The following BAZ2B variants were observed in gnomAD, a reference collection of about 807,000 sequenced individuals.
BAZ2B encodes bromodomain adjacent to zinc finger domain 2B.
In BAZ2B, 91 loss-of-function variants were observed where a neutral mutation model predicts 246.0. The observed-to-expected ratio is 0.37, with a 90% CI of 0.31 to 0.44. The LOEUF is 0.44. BAZ2B is among the 20% of genes least tolerant of loss of function. The pLI is 1.00. For synonymous variants in BAZ2B, 855 were observed against 860.0 expected (o/e 0.99, Z 0.10); for missense variants, 2,332 against 2,533.7 (o/e 0.92, Z 1.71).
chr2:159,429,424 A>G (rs1238733935), intron 10 of BAZ2B, among the ~76,000 whole-genome samples, 164 bp from the exon 11 acceptor site: 1 of 152,132 alleles, frequency 6.6e-6, no homozygotes, highest in Non-Finnish European at 1.5e-5. Context: ...AAAACACTGT[A>G]TAAGGCAGGG....
intron 1 of BAZ2B, among the ~76,000 whole-genome samples, chr2:159,572,001 G>A (rs1684136726): frequency 6.6e-6 from 1 of 152,122 alleles, no homozygotes; most frequent in Non-Finnish European, 1.5e-5. Flanking sequence ...TTTTTGGAAG[G>A]GACATTCAAA....
intron 34 of BAZ2B, among the ~76,000 whole-genome samples, chr2:159,329,003 C>T (rs1467799002): frequency 2.0e-5 from 3 of 152,016 alleles, no homozygotes; most frequent in African/African-American, 7.2e-5. Context: ...TGGAGCACAC[C>T]TGTAATCTCA....
Position 159,484,483 on chromosome 2 carries a change from G to A in BAZ2B, c.-2-5762C>T, listed in dbSNP as rs1444062396. Among the ~76,000 whole-genome samples the A allele has an allele frequency of 2.0e-5, 3 of 152,096 alleles. No individual in the cohort carries two copies. In the East Asian group the frequency reaches 5.8e-4, roughly 29 times the overall value. ...TCATACTGGGTAACATACATTTGCTGTATTTTACTAAAATGACATTTATCT... is the reference window on the plus strand; with the variant it reads ...TCATACTGGGTAACATACATTTGCTATATTTTACTAAAATGACATTTATCT... On this transcript the variant is annotated intron_variant, in intron 2 of 36. Transcript: ENST00000392783.
intron 9 of BAZ2B, among the ~76,000 whole-genome samples, chr2:159,431,660 C>T (rs2071139331): frequency 6.6e-6 from 1 of 152,156 alleles, no homozygotes; most frequent in South Asian, 2.1e-4. Context: ...AAGACTTCAT[C>T]AGGCTTTTCA....
At chr2:159,650,677 G>A in the BAZ2B span, among the ~76,000 whole-genome samples, 1 of 152,188 alleles carries the variant, frequency 6.6e-6, no homozygotes, top group South Asian at 2.1e-4. Context: ...TTCTTGTAGT[G>A]ACTCTCACCA....
intron 1 of BAZ2B, among the ~76,000 whole-genome samples, chr2:159,575,981 T>A (rs1685194568): frequency 6.6e-6 from 1 of 152,158 alleles, no homozygotes; most frequent in South Asian, 2.1e-4. Context: ...AAAATTCACA[T>A]ACATTAGTAA....
chr2:159,315,647 G>C (rs2062035631), downstream of BAZ2B, among the ~76,000 whole-genome samples: 1 of 152,130 alleles, frequency 6.6e-6, no homozygotes, highest in South Asian at 2.1e-4. Context: ...ACTTAGTCTG[G>C]GAATTCACAA....
At chr2:159,650,807 T>C in the BAZ2B span, among the ~76,000 whole-genome samples, 1 of 152,188 alleles carries the variant, frequency 6.6e-6, no homozygotes, top group African/African-American at 2.4e-5. Context: ...TGACAGAGCC[T>C]GGAAAGTCTC....
intron 2 of BAZ2B, among the ~76,000 whole-genome samples, chr2:159,500,670 G>A (rs1185091707): frequency 1.3e-5 from 2 of 152,110 alleles, no homozygotes; most frequent in Non-Finnish European, 2.9e-5. Flanking sequence ...AAACAGCTGG[G>A]AGGCCAGGTG....
downstream of BAZ2B, among the ~76,000 whole-genome samples, chr2:159,318,218 A>G (rs1264928099): frequency 6.6e-6 from 1 of 152,244 alleles, no homozygotes; most frequent in Non-Finnish European, 1.5e-5. Flanking sequence ...TTCTAGAAAC[A>G]CAAAAACCAG....
rs780970093 is a variant in BAZ2B, at chr2:159,349,875, T to C, written c.4696A>G (p.Thr1566Ala). 2 of 1,614,178 alleles carry C rather than the reference T, an allele frequency of 1.2e-6. No homozygotes were observed. Among genetic ancestry groups the C allele is most frequent in the Admixed American group, 3.3e-5 (2 of 60,014 alleles). Residue 1566 changes from threonine to alanine, a missense_variant, in exon 28 of 37, where the codon ACA (threonine) becomes GCA (alanine). Physicochemically the swap from Thr to Ala is moderately conservative, Grantham distance 58. This residue lies in a region of BAZ2B where 676 missense variants were observed against 668.6 expected (regional missense o/e 1.01). Transcript: ENST00000392783. Reference sequence around the variant, plus strand: ...GTAAGTGAAGTGTCATCACAGGGTGTTCGTGGCAAAAGACTAAACCATTGT... The same window carrying C: ...GTAAGTGAAGTGTCATCACAGGGTGCTCGTGGCAAAAGACTAAACCATTGT... ...NRQWFSLLPR[T>A]PCDDTSLTHA...
chr2:159,659,145 T>C, the BAZ2B span, among the ~76,000 whole-genome samples: 1 of 152,218 alleles, frequency 6.6e-6, no homozygotes, highest in Non-Finnish European at 1.5e-5. Flanking sequence ...CTTCCGTGAA[T>C]GTTTCTGTTC....
chr2:159,399,518 A>C (rs2064629937), intron 17 of BAZ2B, among the ~76,000 whole-genome samples: 1 of 152,034 alleles, frequency 6.6e-6, no homozygotes, highest in African/African-American at 2.4e-5. Context: ...CTCATCTTTC[A>C]TGAGGCACAA....
chr2:159,443,921 A>G (rs574969490), intron 6 of BAZ2B, among the ~76,000 whole-genome samples: 2 of 152,306 alleles, frequency 1.3e-5, no homozygotes, highest in South Asian at 4.1e-4. Context: ...ACAATGCCTT[A>G]CACATTGTAG....
the BAZ2B span, among the ~76,000 whole-genome samples, chr2:159,659,014 T>C: frequency 6.6e-6 from 1 of 152,214 alleles, no homozygotes; most frequent in Non-Finnish European, 1.5e-5. Context: ...TTCCCTTTCT[T>C]GTAATGTCTT....
the BAZ2B span, among the ~76,000 whole-genome samples, chr2:159,665,880 A>G: frequency 3.9e-5 from 6 of 152,184 alleles, no homozygotes. Context: ...ACAGCATCCC[A>G]TATGGACATC....
At chr2:159,545,453 T>C (rs1039063558) in intron 2 of BAZ2B, among the ~76,000 whole-genome samples, 1 of 152,218 alleles carries the variant, frequency 6.6e-6, no homozygotes, top group Non-Finnish European at 1.5e-5. Context: ...CTAGGAGATA[T>C]TTAATTTCAA....
At chr2:159,345,074 G>C (rs1222610392) in intron 31 of BAZ2B, among the ~76,000 whole-genome samples, 1 of 152,012 alleles carries the variant, frequency 6.6e-6, no homozygotes, top group Non-Finnish European at 1.5e-5. Flanking sequence ...GCTGGGCTTG[G>C]TGGGGCATGC....
At chr2:159,508,443 T>C (rs1024728146) in intron 2 of BAZ2B, among the ~76,000 whole-genome samples, 1 of 152,234 alleles carries the variant, frequency 6.6e-6, no homozygotes, top group Non-Finnish European at 1.5e-5. Context: ...TTATATGCTC[T>C]ATAGATTATT....
Sources: allele counts gnomAD v4.1 joint callset (sites outside exome capture counted in the v4.1 genomes callset), GRCh38; gene constraint gnomAD v4.1.1; regional missense constraint gnomAD v4.1.1; transcripts MANE v1.5; gene names NCBI Gene and HGNC (gene_info 2026-07-23, HGNC 2026-07-21).